NLGN4X: variants seen among roughly 807,000 people sequenced by gnomAD.
The protein encoded by NLGN4X is neuroligin-4, X-linked.
NLGN4X carries 3 observed loss-of-function variants against 40.3 expected under a neutral mutation model. The ratio of observed to expected loss-of-function variants is 0.07; its 90% CI spans 0.03 to 0.19. The LOEUF is 0.19. NLGN4X is among the 10% of genes least tolerant of loss of function. The pLI, the probability that NLGN4X is intolerant of heterozygous loss-of-function variation, is 1.00. For missense variants in NLGN4X, 382 were observed against 708.3 expected (o/e 0.54, Z 5.23); for synonymous variants, 270 against 306.8 (o/e 0.88, Z 1.25).
rs1170236431 is a variant in NLGN4X at position 6,029,416 on chromosome X, G to A, written c.489C>T (p.Asn163=). 8.3e-7 allele frequency: 1 copy of A among 1,210,419 alleles called. No individual in the cohort carries two copies. The highest frequency in any genetic ancestry group is 2.2e-5 in the Admixed American group (1 of 45,920). The change falls in exon 3 of 6, where the codon AAC becomes AAT. Residue 163 remains asparagine (N), a synonymous_variant. Transcript: ENST00000381095. ...TATAGACCATGACGGGCTTCTTACTGTTCTGATCATGAATATCTGGAAAAA... is the reference window on the plus strand; with the variant it reads ...TATAGACCATGACGGGCTTCTTACTATTCTGATCATGAATATCTGGAAAAA... The part of the protein sequence containing the change: ...VPTEDDIHDQ[N]SKKPVMVYIH...
At chrX:5,918,154 GTT>G (rs1231201368) in intron 3 of NLGN4X, among the ~76,000 whole-genome samples, 1 of 100,626 alleles carries the variant, frequency 9.9e-6, no homozygotes, top group African/African-American at 3.6e-5. Flanking sequence ...TACAGAAAAG[GTT>G]TTTTTTTTTT....
chrX:6,046,907 T>C (rs1034038203), intron 2 of NLGN4X, among the ~76,000 whole-genome samples: 13 of 108,380 alleles, frequency 1.2e-4, no homozygotes, highest in Non-Finnish European at 1.9e-4. Flanking sequence ...CAGAACCTAA[T>C]TGTGTATAAA....
At chrX:6,001,804 A>C (rs1182505126) in intron 3 of NLGN4X, among the ~76,000 whole-genome samples, 1 of 111,559 alleles carries the variant, frequency 9.0e-6, no homozygotes, top group Non-Finnish European at 1.9e-5. Flanking sequence ...GAACTCTATA[A>C]AGAAATAAAG....
chrX:6,150,962 A>C lies in NLGN4X; in HGVS notation c.472+33T>G, dbSNP rs753206257. 11 of 1,108,146 alleles carry C rather than the reference A, an allele frequency of 9.9e-6. No individual in the cohort carries two copies. In the South Asian group the frequency reaches 1.8e-4, roughly 18 times the overall value. The allele number at this position is 1,108,146 out of a possible 1,213,427, so 91.3% of individuals were successfully genotyped here. A position where few individuals can be genotyped will look rare whatever the true frequency, so the allele number is the denominator to read the frequency against. Reference sequence around the variant, plus strand: ...CAAATCTCTCTACACACTGCACAAGAGGTATTGTTTTCTGTTCCAGTGAGG... The same window carrying C: ...CAAATCTCTCTACACACTGCACAAGCGGTATTGTTTTCTGTTCCAGTGAGG... On this transcript the variant is annotated intron_variant, in intron 2 of 5. Coordinates refer to ENST00000381095, the MANE Select transcript of NLGN4X (RefSeq NM_181332.3).
At chrX:6,055,363 G>A (rs904713574) in intron 2 of NLGN4X, among the ~76,000 whole-genome samples, 6 of 111,934 alleles carry the variant, frequency 5.4e-5, no homozygotes, top group African/African-American at 1.9e-4. Flanking sequence ...GTTGGCCATG[G>A]TGGCATCTGT....
In NLGN4X at chrX:6,090,054, A is replaced by C. The variant is rs137955821; in HGVS notation, c.473-60622T>G. On this transcript the variant is annotated intron_variant, in intron 2 of 5. Transcript: ENST00000381095. ...CTGAGAACAATCCCAACAAGAGTCA[A>C]TCACGTAAACACATGTCCTATTCTC... Among the ~76,000 whole-genome samples, 670 of 111,455 alleles carry C rather than the reference A, an allele frequency of 6.0e-3. 4 individuals are homozygous for C. The highest frequency in any genetic ancestry group is 0.021 in the African/African-American group (644 of 30,709).
In NLGN4X at chrX:6,206,588, C is replaced by T. The variant is rs1569298370; in HGVS notation, c.-306+21953G>A. 3.6e-5 allele frequency among the ~76,000 whole-genome samples: 4 copies of T among 111,359 alleles called. No individual in the cohort carries two copies. In the Admixed American group the frequency reaches 3.8e-4, roughly 11 times the overall value. ...CCAAAATCATGATGTTGGCCATGCT[C>T]CCTCTGAGGGTTCTTGGTGAGGATA... On this transcript the variant is annotated intron_variant, in intron 1 of 5. Transcript: ENST00000381095.
intron 1 of NLGN4X, among the ~76,000 whole-genome samples, chrX:6,196,026 C>A (rs1204110293): frequency 9.0e-6 from 1 of 111,040 alleles, no homozygotes; most frequent in African/African-American, 3.3e-5. Flanking sequence ...ACTCTGGGCT[C>A]AAGCAATTCT....
chrX:6,118,067 CCTCTCT>C (rs776534076), intron 2 of NLGN4X, among the ~76,000 whole-genome samples: 2 of 108,424 alleles, frequency 1.8e-5, no homozygotes, highest in African/African-American at 6.7e-5. Flanking sequence ...CCACTTTCTC[CCTCTCT>C]CTCTCTCTTT....
chrX:6,055,190 A>G (rs189618312), intron 2 of NLGN4X, among the ~76,000 whole-genome samples: 66 of 112,025 alleles, frequency 5.9e-4, no homozygotes, highest in African/African-American at 1.8e-3. Context: ...AACTGCCTGA[A>G]GCTCTTAAAG....
chrX:5,935,986 C>G (rs112960566), intron 3 of NLGN4X, among the ~76,000 whole-genome samples: 4 of 111,992 alleles, frequency 3.6e-5, no homozygotes, highest in African/African-American at 9.7e-5. Context: ...ATCCTTAGGA[C>G]AGGTCCAAAG....
At chrX:6,006,939 AC>A (rs2036117042) in intron 3 of NLGN4X, among the ~76,000 whole-genome samples, 1 of 111,196 alleles carries the variant, frequency 9.0e-6, no homozygotes, top group African/African-American at 3.3e-5. Context: ...CAGCAATCCC[AC>A]TTGTGGGTTT....
chrX:6,002,645 C>T (rs762215741), intron 3 of NLGN4X, among the ~76,000 whole-genome samples: 32 of 112,004 alleles, frequency 2.9e-4, no homozygotes, highest in Non-Finnish European at 5.6e-4. Flanking sequence ...CAGAAGAGAG[C>T]GGGTTCCCGG....
At chrX:6,068,006 G>A (rs2037966582) in intron 2 of NLGN4X, among the ~76,000 whole-genome samples, 1 of 111,232 alleles carries the variant, frequency 9.0e-6, no homozygotes. Flanking sequence ...CCACGTGTTG[G>A]GATCTGAGAC....
intron 1 of NLGN4X, among the ~76,000 whole-genome samples, chrX:6,182,184 TTA>T (rs1264837766): frequency 8.9e-6 from 1 of 111,806 alleles, no homozygotes. Flanking sequence ...AAAAGGGAAC[TTA>T]GGGCCAAATC....
chrX:5,922,023 C>T (rs187283944), intron 3 of NLGN4X, among the ~76,000 whole-genome samples: 3 of 111,871 alleles, frequency 2.7e-5, no homozygotes, highest in African/African-American at 9.7e-5. Context: ...CTCCTTTTAT[C>T]TCCAACATCA....
chrX:6,136,503 T>A (rs922860674), intron 2 of NLGN4X, among the ~76,000 whole-genome samples: 6 of 111,764 alleles, frequency 5.4e-5, no homozygotes, highest in African/African-American at 2.0e-4. Context: ...TGTGGACTGC[T>A]GGACTGAAAG....
intron 2 of NLGN4X, among the ~76,000 whole-genome samples, chrX:6,102,669 TACATAGAC>T (rs1474249858): frequency 1.8e-5 from 2 of 109,974 alleles, no homozygotes; most frequent in African/African-American, 6.8e-5. Flanking sequence ...CATACATACA[TACATAGAC>T]AGATAGATAC....
chrX:6,185,289 C>G (rs1047501057), intron 1 of NLGN4X, among the ~76,000 whole-genome samples: 6 of 111,957 alleles, frequency 5.4e-5, no homozygotes, highest in African/African-American at 1.6e-4. Context: ...CCCCATCACC[C>G]CATGTCACAC....
Sources: allele counts gnomAD v4.1 joint callset (sites outside exome capture counted in the v4.1 genomes callset), GRCh38; gene constraint gnomAD v4.1.1; transcripts MANE v1.5; gene names NCBI Gene and HGNC (gene_info 2026-07-23, HGNC 2026-07-21).